TRAPPC14: variants seen among roughly 807,000 people sequenced by gnomAD.
TRAPPC14 encodes the protein microtubule associated protein 11.
Under a neutral mutation model 56.6 loss-of-function variants are expected in TRAPPC14, and 24 were observed. The observed-to-expected ratio is 0.42, with a 90% CI of 0.31 to 0.60. The LOEUF (loss-of-function observed/expected upper bound fraction) is 0.60, where lower values mean the gene tolerates loss of function less well. TRAPPC14 is among the 20% of genes least tolerant of loss of function. The pLI, the probability that TRAPPC14 is intolerant of heterozygous loss-of-function variation, is 0.14. For missense variants in TRAPPC14, 615 were observed against 790.3 expected (o/e 0.78, Z 2.66); for synonymous variants, 377 against 347.0 (o/e 1.09, Z -0.96).
chr7:100,157,471 G>A lies in TRAPPC14; in HGVS notation c.638-12C>T, dbSNP rs752112141. The A allele has an allele frequency of 1.2e-6, 2 of 1,611,054 alleles. No individual in the cohort carries two copies. The highest frequency in any genetic ancestry group is 2.2e-5 in the South Asian group (2 of 90,998). On this transcript the variant is annotated splice_polypyrimidine_tract_variant and intron_variant, in intron 3 of 10. Coordinates refer to ENST00000316937, the MANE Select transcript of TRAPPC14 (RefSeq NM_018275.5). ...CAGCAGCGTGCTCACTGCGGGAGGG[G>A]GTGGGGGCAAGAAGTGATGGTCTGG...
At position 100,156,606 on chromosome 7, in the gene TRAPPC14, C is replaced by G. The variant is rs566294197; in HGVS notation, c.1076+28G>C. 7 of 1,611,124 alleles carry G rather than the reference C, an allele frequency of 4.3e-6. No homozygotes were observed. The South Asian group carries it at 6.6e-5, about 15-fold the overall frequency. On this transcript the variant is annotated intron_variant, in intron 7 of 10. Coordinates refer to ENST00000316937, the MANE Select transcript of TRAPPC14 (RefSeq NM_018275.5). ...GTGTGTCAGGCCACAAAGGCGAACG[C>G]CACGATTCCTCCAGGATCCACACTC... is the stretch of plus-strand genomic sequence containing the variant.
rs1019812071 is a variant in TRAPPC14, at chr7:100,154,957, C to T, written c.*54G>A. 9.4e-6 allele frequency: 15 copies of T among 1,595,764 alleles called. No homozygotes were observed. The highest frequency in any genetic ancestry group is 1.2e-5 in the Non-Finnish European group (14 of 1,163,628). On this transcript the variant is annotated 3_prime_UTR_variant, in exon 11 of 11. Coordinates refer to ENST00000316937, the MANE Select transcript of TRAPPC14 (RefSeq NM_018275.5). Reference sequence around the variant, plus strand: ...AGGCACAGCCCGGGAGCAGGGATCCCCTCTGGGGGCGTTGGGTCTCTGGAG... The same window carrying T: ...AGGCACAGCCCGGGAGCAGGGATCCTCTCTGGGGGCGTTGGGTCTCTGGAG...
Position 100,158,179 on chromosome 7 carries a change from TC to T in TRAPPC14, c.320del (p.Gly107GlufsTer65). 6.9e-7 allele frequency: 1 copy of T among 1,439,510 alleles called. No homozygotes were observed. The highest frequency in any genetic ancestry group is 9.1e-7 in the Non-Finnish European group (1 of 1,103,336). 89.2% of individuals were successfully genotyped at this position (1,439,510 alleles called of 1,614,324 possible). A position where few individuals can be genotyped will look rare whatever the true frequency, so the allele number is the denominator to read the frequency against. On this transcript the variant is annotated frameshift_variant, in exon 1 of 11. Transcript: ENST00000316937. LOFTEE classifies it high-confidence loss of function. ...ACAAACCCCCACCCCCAGGATCCCC[TC>T]CCCCTGGGGGCTCCGAATCCTGGTC... is the stretch of plus-strand genomic sequence containing the variant. The part of the protein sequence containing the change: ...AGDQDSEPPG[G>X]GDPGGGGLFR...
intron 10 of TRAPPC14, 47 bp from the exon 11 acceptor site, chr7:100,155,211 C>T (rs372195524): frequency 2.2e-4 from 348 of 1,604,546 alleles, no homozygotes; most frequent in Admixed American, 6.8e-4. Context: ...CCGGCACCCT[C>T]GCTGCTCCCA....
rs1798910861 is a variant in TRAPPC14 at position 100,157,614 on chromosome 7, T to TCTGCG, written c.637+14_637+18dup. The stretch of plus-strand genomic sequence containing the variant: ...AATTCCCAGACTCTAGCCCTTTGCC[T>TCTGCG]CTGCGCTGCCCTGCCCACCTTGGGC... On this transcript the variant is annotated intron_variant, in intron 3 of 10. Transcript: ENST00000316937. 1 of 1,613,794 alleles carries TCTGCG rather than the reference T, an allele frequency of 6.2e-7. No individual in the cohort carries two copies. The highest frequency in any genetic ancestry group is 2.2e-5 in the East Asian group (1 of 44,870).
chr7:100,158,640 G>T lies in TRAPPC14; in HGVS notation c.-141C>A. The stretch of plus-strand genomic sequence containing the variant: ...GGCCGGAGAGACCGGCCCGGTCCCG[G>T]CACCGGGGCAACGAACCCGAACCGA... On this transcript the variant is annotated 5_prime_UTR_variant, in exon 1 of 11. Coordinates refer to ENST00000316937, the MANE Select transcript of TRAPPC14 (RefSeq NM_018275.5). 1 of 843,656 alleles carries T rather than the reference G, an allele frequency of 1.2e-6. No individual in the cohort carries two copies. The highest frequency in any genetic ancestry group is 2.8e-4 in the Middle Eastern group (1 of 3,578). 52.3% of individuals were successfully genotyped at this position (843,656 alleles called of 1,614,324 possible).
chr7:100,157,970 A>C, intron 1 of TRAPPC14, 32 bp from the exon 2 acceptor site: 1 of 1,512,468 alleles, frequency 6.6e-7, no homozygotes, highest in Middle Eastern at 1.9e-4. Flanking sequence ...AGAGGTCAGG[A>C]GCAAGTCAGA....
rs780551163 is a variant in TRAPPC14, at chr7:100,155,396, G to C, written c.1455C>G (p.Pro485=). 6.5e-7 allele frequency: 1 copy of C among 1,546,354 alleles called. No individual in the cohort carries two copies. The highest frequency in any genetic ancestry group is 1.2e-5 in the South Asian group (1 of 83,758). The change falls in exon 10 of 11, where the codon CCC becomes CCG. Residue 485 remains proline (P), a synonymous_variant. Coordinates refer to ENST00000316937, the MANE Select transcript of TRAPPC14 (RefSeq NM_018275.5). ...TCTTGCGGGAGAGGGGCCGGGCCTC[G>C]GGTGGAGGGTGGGACACGCTGGCGG... is the stretch of plus-strand genomic sequence containing the variant. ...QFTASVSHPP[P]EARPLSRKSS...
In TRAPPC14 at chr7:100,155,259, T is replaced by C; in HGVS notation, c.1589+3A>G. On this transcript the variant is annotated splice_donor_region_variant and intron_variant, in intron 10 of 10. Coordinates refer to ENST00000316937, the MANE Select transcript of TRAPPC14 (RefSeq NM_018275.5). ...TCCCATGCCACGCCCCCTGGTTCTG[T>C]ACCTCATGAGGTGGCTTCGGGAAGG... is the stretch of plus-strand genomic sequence containing the variant. 6.3e-7 allele frequency: 1 copy of C among 1,575,838 alleles called. No homozygotes were observed. The highest frequency in any genetic ancestry group is 8.6e-7 in the Non-Finnish European group (1 of 1,161,366).
Position 100,158,588 on chromosome 7 carries a change from C to G in TRAPPC14, c.-89G>C. On this transcript the variant is annotated 5_prime_UTR_variant, in exon 1 of 11. Coordinates refer to ENST00000316937, the MANE Select transcript of TRAPPC14 (RefSeq NM_018275.5). ...AGGGTGGGTCCAGAGGGTCCCGACA[C>G]CTCCGGCTGCTGCGCCCGGCTGGGG... The G allele has an allele frequency of 8.3e-7, 1 of 1,209,572 alleles. No homozygotes were observed. Among genetic ancestry groups the G allele is most frequent in the Non-Finnish European group, 1.0e-6 (1 of 960,856 alleles). The allele number at this position is 1,209,572 out of a possible 1,614,324, so 74.9% of individuals were successfully genotyped here.
intron 8 of TRAPPC14, 36 bp downstream of exon 8, chr7:100,156,350 C>A: frequency 6.2e-7 from 1 of 1,608,798 alleles, no homozygotes; most frequent in Non-Finnish European, 8.5e-7. Flanking sequence ...TCTTCCCCTC[C>A]CTGGGGACCA....
Position 100,155,285 on chromosome 7 carries a change from C to T in TRAPPC14, c.1566G>A (p.Gln522=). ...ACCTCATGAGGTGGCTTCGGGAAGG[C>T]TGCTGGTGGGAGAAGGACTGGGAGC... ...LGRSQSFSHQ[Q]PSRSHLMRSG... is the part of the protein sequence containing the mutation. Residue 522 remains glutamine (Q), a synonymous_variant, in exon 10 of 11, where the codon CAG becomes CAA. Coordinates refer to ENST00000316937, the MANE Select transcript of TRAPPC14 (RefSeq NM_018275.5). The T allele has an allele frequency of 6.4e-7, 1 of 1,564,116 alleles. No individual in the cohort carries two copies.
rs1001296171 is a variant in TRAPPC14, at chr7:100,154,924, C to T, written c.*87G>A. 34 of 1,410,654 alleles carry T rather than the reference C, an allele frequency of 2.4e-5. No individual in the cohort carries two copies. The African/African-American group carries it at 4.6e-4, about 19-fold the overall frequency. 87.4% of individuals were successfully genotyped at this position (1,410,654 alleles called of 1,614,324 possible). On this transcript the variant is annotated 3_prime_UTR_variant, in exon 11 of 11. Transcript: ENST00000316937. ...CTCTTCACCCCCGTCTGGGAGGCAT[C>T]CCAGGGGAGGCACAGCCCGGGAGCA...
rs773883923 is a variant in TRAPPC14, at chr7:100,154,758, G to A, written c.*253C>T. 7.1e-6 allele frequency: 4 copies of A among 562,772 alleles called. No homozygotes were observed. Among genetic ancestry groups the A allele is most frequent in the Non-Finnish European group, 1.3e-5 (4 of 315,294 alleles). The allele number at this position is 562,772 out of a possible 1,614,324, so 34.9% of individuals were successfully genotyped here. ...GGACAAGGGAGCTCTGGGAACCCTT[G>A]CCCTGGCCTAGGGGTGGGGCCAGCC... On this transcript the variant is annotated 3_prime_UTR_variant, in exon 11 of 11. Transcript: ENST00000316937.
At position 100,157,661 on chromosome 7, in the gene TRAPPC14, C is replaced by CCGGAATGTCTCCCCAGGAGAT. The variant is rs773534877; in HGVS notation, c.588_608dup (p.Ser197_Arg203dup). The CCGGAATGTCTCCCCAGGAGAT allele has an allele frequency of 1.9e-6, 3 of 1,614,234 alleles. No homozygotes were observed. Among genetic ancestry groups the CCGGAATGTCTCCCCAGGAGAT allele is most frequent in the Non-Finnish European group, 2.5e-6 (3 of 1,180,044 alleles). On this transcript the variant is annotated inframe_insertion, in exon 3 of 11. Transcript: ENST00000316937. ...GGGCCTTGAAAGCGCTCTGCTCGCC[C>CCGGAATGTCTCCCCAGGAGAT]CGGAATGTCTCCCCAGGAGATCGGG...
intron 8 of TRAPPC14, 82 bp downstream of exon 8, chr7:100,156,304 G>GT (rs1798879883): frequency 1.3e-6 from 2 of 1,496,384 alleles, no homozygotes; most frequent in Admixed American, 3.8e-5. Flanking sequence ...AAATTTGGCT[G>GT]TTTTCACTGT....
chr7:100,154,884 G>A lies in TRAPPC14; in HGVS notation c.*127C>T, dbSNP rs896515426. The A allele has an allele frequency of 5.0e-5, 44 of 876,096 alleles. No individual in the cohort carries two copies. The highest frequency in any genetic ancestry group is 8.0e-5 in the Non-Finnish European group (43 of 537,844). 54.3% of individuals were successfully genotyped at this position (876,096 alleles called of 1,614,324 possible). ...TCCCTCATCAGCAGACACAAGACAG[G>A]CAGCTCTGCCAGGCCTCTTCACCCC... On this transcript the variant is annotated 3_prime_UTR_variant, in exon 11 of 11. Coordinates refer to ENST00000316937, the MANE Select transcript of TRAPPC14 (RefSeq NM_018275.5).
chr7:100,157,246 G>A lies in TRAPPC14; in HGVS notation c.725-32C>T. On this transcript the variant is annotated intron_variant, in intron 4 of 10. Transcript: ENST00000316937. ...GAGAGGACCAGCTTGGCTCAGAATA[G>A]CTGGACCCCTCAGGCCCCACCTTTA... 6 of 1,614,026 alleles carry A rather than the reference G, an allele frequency of 3.7e-6. No individual in the cohort carries two copies. In the South Asian group the frequency reaches 6.6e-5, roughly 18 times the overall value.
rs2116958349 is a variant in TRAPPC14 at position 100,155,680 on chromosome 7, C to T, written c.1386G>A (p.Gly462=). The T allele has an allele frequency of 1.2e-6, 2 of 1,605,036 alleles. No individual in the cohort carries two copies. The highest frequency in any genetic ancestry group is 1.1e-5 in the South Asian group (1 of 89,544). Residue 462 remains glycine, a synonymous_variant, in exon 9 of 11, where the codon GGG becomes GGA. Coordinates refer to ENST00000316937, the MANE Select transcript of TRAPPC14 (RefSeq NM_018275.5). ...ACCCTCCCCAGCCCACCTCGAAGAG[C>T]CCCGTCCTCAGAGCCTGGAAGGCCA... ...FSVAFQALRT[G]LFELSQHMKL... is the part of the protein sequence containing the mutation.
Sources: gnomAD v4.1 joint callset for allele counts on GRCh38, gnomAD v4.1.1 for gene constraint, MANE v1.5 for transcripts, NCBI Gene and HGNC (gene_info 2026-07-23, HGNC 2026-07-21) for gene names.